The following CSMD1 variants were observed in gnomAD, a reference collection of about 807,000 sequenced individuals.
CSMD1 encodes the protein CUB and Sushi multiple domains 1, also known as CUB and sushi domain-containing protein 1.
Under a neutral mutation model 417.5 loss-of-function variants are expected in CSMD1, and 213 were observed. That is an observed-to-expected ratio of 0.51 (90% CI 0.46 to 0.57). The LOEUF (loss-of-function observed/expected upper bound fraction) is 0.57. CSMD1 is among the 20% of genes least tolerant of loss of function. The pLI, the probability that CSMD1 is intolerant of heterozygous loss-of-function variation, is 0.00. For synonymous variants in CSMD1, 2,862 were observed against 1,736.8 expected (o/e 1.65, Z -16.11); for missense variants, 6,923 against 4,529.7 (o/e 1.53, Z -15.17).
At chr8:4,925,160 G>C (rs868444762) in intron 1 of CSMD1, among the ~76,000 whole-genome samples, 5 of 146,402 alleles carry the variant, frequency 3.4e-5, no homozygotes, top group Admixed American at 2.0e-4. Context: ...CACAAGGAAG[G>C]ACAACATCAC....
rs143427917 is a variant in CSMD1, at chr8:3,060,041, T to C, written c.7475-7394A>G. Among the ~76,000 whole-genome samples the C allele has an allele frequency of 1.1e-3, 169 of 152,240 alleles. 1 individual carries two copies. Among genetic ancestry groups the C allele is most frequent in the African/African-American group, 3.8e-3 (158 of 41,542 alleles). ...GAAGACCATGAAGTATTTCTAACAT[T>C]TACCGCAAACTGGAATAAAGTACTT... is the stretch of plus-strand genomic sequence containing the variant. On this transcript the variant is annotated intron_variant, in intron 49 of 69. Coordinates refer to ENST00000635120, the MANE Select transcript of CSMD1 (RefSeq NM_033225.6).
intron 5 of CSMD1, among the ~76,000 whole-genome samples, chr8:3,946,160 G>T (rs1026344755): frequency 6.6e-6 from 1 of 152,044 alleles, no homozygotes; most frequent in Admixed American, 6.6e-5. Context: ...TGCACCCTTT[G>T]AAATAAGATT....
intron 1 of CSMD1, among the ~76,000 whole-genome samples, chr8:4,749,509 G>A (rs1811170756): frequency 6.6e-6 from 1 of 152,178 alleles, no homozygotes; most frequent in African/African-American, 2.4e-5. Context: ...CTTGTGGTTA[G>A]CACGTGTATT....
chr8:3,484,941 A>G (rs2117260610), intron 11 of CSMD1, among the ~76,000 whole-genome samples: 1 of 152,178 alleles, frequency 6.6e-6, no homozygotes, highest in Non-Finnish European at 1.5e-5. Context: ...CGGCGTGAGC[A>G]TGAGGACCAC....
chr8:4,573,448 G>T (rs1214551457), intron 2 of CSMD1, among the ~76,000 whole-genome samples: 1 of 152,108 alleles, frequency 6.6e-6, no homozygotes, highest in Non-Finnish European at 1.5e-5. Flanking sequence ...GTCACCAGTG[G>T]AGGCTGCAGA....
intron 36 of CSMD1, among the ~76,000 whole-genome samples, chr8:3,182,840 A>AGG (rs746430415): frequency 0.52 from 23,311 of 44,620 alleles, 8,814 homozygotes; most frequent in Middle Eastern, 0.73. Context: ...CTTTATAAGA[A>AGG]GGTGTGTGTG....
At chr8:3,080,287 A>G (rs1013193311) in intron 49 of CSMD1, among the ~76,000 whole-genome samples, 10 of 152,200 alleles carry the variant, frequency 6.6e-5, no homozygotes, top group African/African-American at 2.2e-4. Flanking sequence ...CTCAAGATGA[A>G]TAAGATTAGT....
chr8:4,948,789 T>C (rs1006942201), intron 1 of CSMD1, among the ~76,000 whole-genome samples: 2 of 152,104 alleles, frequency 1.3e-5, no homozygotes, highest in Non-Finnish European at 2.9e-5. Flanking sequence ...TCTTAACGTG[T>C]TTTTATATTC....
chr8:4,148,926 G>A (rs1796425401), intron 3 of CSMD1, among the ~76,000 whole-genome samples: 1 of 151,850 alleles, frequency 6.6e-6, no homozygotes, highest in African/African-American at 2.4e-5. Flanking sequence ...GCACTTTTCA[G>A]ACTACCTAAC....
At chr8:4,183,016 G>A (rs1798464905) in intron 3 of CSMD1, among the ~76,000 whole-genome samples, 1 of 152,090 alleles carries the variant, frequency 6.6e-6, no homozygotes, top group African/African-American at 2.4e-5. Context: ...TAATTACATG[G>A]GATGAGTAGA....
At chr8:4,217,216 C>G (rs1047014722) in intron 3 of CSMD1, among the ~76,000 whole-genome samples, 1 of 152,170 alleles carries the variant, frequency 6.6e-6, no homozygotes, top group Non-Finnish European at 1.5e-5. Context: ...GCAACAATTA[C>G]TCTTCTTGAT....
chr8:4,083,328 C>T (rs1004171673), intron 3 of CSMD1, among the ~76,000 whole-genome samples: 5 of 152,090 alleles, frequency 3.3e-5, no homozygotes, highest in African/African-American at 1.2e-4. Flanking sequence ...GAGATGGTAT[C>T]TCATTGAGGT....
At chr8:3,278,445 T>A (rs1236441606) in intron 26 of CSMD1, 1 of 152,194 alleles carries the variant, frequency 6.6e-6, no homozygotes, top group Non-Finnish European at 1.5e-5. Context: ...AATAGCCTAC[T>A]AAGAAATCTC....
At chr8:3,467,665 A>C (rs112404163) in intron 12 of CSMD1, among the ~76,000 whole-genome samples, 2,959 of 152,070 alleles carry the variant, frequency 0.019, 114 homozygotes, top group African/African-American at 0.067. Context: ...CCACACACCA[A>C]GAGACCCTTT....
At chr8:3,286,725 C>G (rs936270047) in intron 25 of CSMD1, among the ~76,000 whole-genome samples, 3 of 151,730 alleles carry the variant, frequency 2.0e-5, no homozygotes, top group African/African-American at 7.3e-5. Flanking sequence ...GGTTATTAGC[C>G]CTTTGTCAGA....
intron 1 of CSMD1, among the ~76,000 whole-genome samples, chr8:4,794,118 C>G (rs553507493): frequency 2.6e-5 from 4 of 152,100 alleles, no homozygotes; most frequent in Non-Finnish European, 5.9e-5. Flanking sequence ...GTACTGTTCC[C>G]TCATATAATG....
intron 10 of CSMD1, among the ~76,000 whole-genome samples, chr8:3,531,498 G>T (rs113585620): frequency 1.7e-3 from 259 of 152,194 alleles, no homozygotes; most frequent in African/African-American, 6.2e-3. Context: ...TTATTGAAAT[G>T]CCCCAGGGTA....
At chr8:4,901,908 A>C (rs1804895638) in intron 1 of CSMD1, among the ~76,000 whole-genome samples, 1 of 152,250 alleles carries the variant, frequency 6.6e-6, no homozygotes, top group Non-Finnish European at 1.5e-5. Context: ...TTTACCCTAA[A>C]TACGTTAAAA....
intron 1 of CSMD1, among the ~76,000 whole-genome samples, chr8:4,852,094 C>T (rs1211338324): frequency 2.0e-5 from 3 of 152,198 alleles, no homozygotes; most frequent in African/African-American, 7.2e-5. Context: ...CTCTTTATAT[C>T]TTTTACTTGT....
Sources: gnomAD v4.1 joint callset for allele counts (sites outside exome capture counted in the v4.1 genomes callset) on GRCh38, gnomAD v4.1.1 for gene constraint, MANE v1.5 for transcripts, NCBI Gene and HGNC (gene_info 2026-07-23, HGNC 2026-07-21) for gene names.